The following OGG1 variants were observed in gnomAD, a reference collection of about 807,000 sequenced individuals.
The protein encoded by OGG1 is 8-oxoguanine DNA glycosylase.
OGG1 carries 35 observed loss-of-function variants against 42.3 expected under a neutral mutation model. The observed-to-expected ratio is 0.83, with a 90% confidence interval of 0.63 to 1.10. OGG1 has a LOEUF of 1.10. Ranked by LOEUF, OGG1 falls within the 50% of genes least tolerant of loss-of-function variation. OGG1 has a pLI of 0.00. For synonymous variants in OGG1, 189 were observed against 179.0 expected, an observed-to-expected ratio of 1.06 and a Z score of -0.44; for missense variants, 484 against 446.7, an observed-to-expected ratio of 1.08 and a Z score of -0.75.
At chr3:9,760,025 G>A (rs377254029), downstream of OGG1, 90 of 354,780 alleles carry the variant, frequency 2.5e-4, no homozygotes, top group East Asian at 4.6e-3. Flanking sequence ...GGTGGATCAC[G>A]AGGTCAGGAG....
chr3:9,765,888 C>T (rs1044606365), exon 8 of OGG1: 2 of 1,614,132 alleles, frequency 1.2e-6, no homozygotes, highest in Non-Finnish European at 1.7e-6. Flanking sequence ...CGAGAAGGCC[C>T]CCCTATCGGG....
intron 4 of OGG1, 125 bp downstream of exon 4, chr3:9,755,010 A>G (rs1420710064): frequency 1.3e-6 from 1 of 766,208 alleles, no homozygotes. Flanking sequence ...GAGAAAGGAT[A>G]TAAGTAGATG....
intron 7 of OGG1, among the ~76,000 whole-genome samples, chr3:9,763,893 G>A (rs1390906125): frequency 6.6e-6 from 1 of 152,188 alleles, no homozygotes; most frequent in Non-Finnish European, 1.5e-5. Context: ...GGCTGAGGCA[G>A]GAGAATTGCT....
intron 1 of OGG1, 193 bp downstream of exon 1, chr3:9,750,616 A>T: frequency 1.3e-6 from 1 of 794,352 alleles, no homozygotes. Context: ...ATCCAGCGGT[A>T]TAACCGATGC....
chr3:9,750,290 CCTGCCCGCGCGCTT>C lies in OGG1; in HGVS notation c.11_24del (p.Arg4GlnfsTer24). ...CGGGGCGGTGCCTGCTGTGGAAATG[CCTGCCCGCGCGCTT>C]CTGCCCAGGCGCATGGGGCATCGTA... On this transcript the variant is annotated frameshift_variant, in exon 1 of 7. Coordinates refer to ENST00000344629, the MANE Select transcript of OGG1 (RefSeq NM_002542.6). LOFTEE classifies it high-confidence loss of function. 1 of 1,610,150 alleles carries C rather than the reference CCTGCCCGCGCGCTT, an allele frequency of 6.2e-7. No homozygotes were observed. The highest frequency in any genetic ancestry group is 8.5e-7 in the Non-Finnish European group (1 of 1,177,732).
At chr3:9,789,037 T>C (rs1224386493), downstream of OGG1, among the ~76,000 whole-genome samples, 3 of 152,062 alleles carry the variant, frequency 2.0e-5, no homozygotes, top group Non-Finnish European at 4.4e-5. Context: ...GGTTTCACCA[T>C]GTTGCCCAGG....
chr3:9,785,660 CAAT>C (rs1410547869), intron 3 of OGG1, among the ~76,000 whole-genome samples: 3 of 152,210 alleles, frequency 2.0e-5, no homozygotes, highest in East Asian at 3.9e-4. Context: ...GATTAACACT[CAAT>C]GATGGTAATG....
At chr3:9,761,863 C>G, downstream of OGG1, 3 of 1,488,860 alleles carry the variant, frequency 2.0e-6, no homozygotes, top group South Asian at 1.4e-5. Flanking sequence ...TCCCCAAAAG[C>G]CACTGTGGCT....
chr3:9,761,190 TTGTC>T (rs1445016595), downstream of OGG1: 7 of 415,226 alleles, frequency 1.7e-5, no homozygotes, highest in Middle Eastern at 6.6e-4. Flanking sequence ...TACTTGTTGA[TTGTC>T]TGTCTTCCCT....
chr3:9,754,486 A>G (rs945836397), intron 3 of OGG1, among the ~76,000 whole-genome samples: 2 of 152,176 alleles, frequency 1.3e-5, no homozygotes, highest in Admixed American at 6.5e-5. Flanking sequence ...TCCGGGGCCA[A>G]TTCATAGCAG....
rs567521188 is a variant in OGG1 at position 9,784,890 on chromosome 3, AAG to A, written c.383-2836_383-2835del. ...AAAAAAAAAAAAAGAAAAAGAAAAAAAGAAATATATTTTAAGTAAAAATAGTA... is the reference window on the plus strand; with the variant it reads ...AAAAAAAAAAAAAGAAAAAGAAAAAAAAATATATTTTAAGTAAAAATAGTA... On this transcript the variant is annotated intron_variant, in intron 3 of 3. Transcript: ENST00000426518. Among the ~76,000 whole-genome samples, 385 of 152,150 alleles carry A rather than the reference AAG, an allele frequency of 2.5e-3. 3 individuals are homozygous for A. Among genetic ancestry groups the A allele is most frequent in the African/African-American group, 8.7e-3 (362 of 41,542 alleles).
intron 2 of OGG1, chr3:9,780,594 G>T: frequency 6.4e-7 from 1 of 1,554,316 alleles, no homozygotes; most frequent in South Asian, 1.2e-5. Context: ...CCCACCTCCA[G>T]AGAACAACCC....
At chr3:9,769,482 C>G (rs2078248203), downstream of OGG1, among the ~76,000 whole-genome samples, 1 of 152,130 alleles carries the variant, frequency 6.6e-6, no homozygotes, top group Admixed American at 6.5e-5. Flanking sequence ...ACACAGATTC[C>G]CAGATCCTCC....
chr3:9,784,923 C>G (rs1348050887), intron 3 of OGG1, among the ~76,000 whole-genome samples: 1 of 151,696 alleles, frequency 6.6e-6, no homozygotes, highest in Non-Finnish European at 1.5e-5. Context: ...TAGTATTATA[C>G]CATCCATACT....
downstream of OGG1, chr3:9,761,206 C>T: frequency 4.5e-6 from 2 of 440,718 alleles, no homozygotes; most frequent in Non-Finnish European, 8.1e-6. Flanking sequence ...GTCTTCCCTA[C>T]TAGAAAGAAA....
downstream of OGG1, chr3:9,789,498 A>T (rs1481977543): frequency 1.2e-6 from 2 of 1,612,006 alleles, no homozygotes; most frequent in Non-Finnish European, 1.7e-6. Flanking sequence ...ATCAAGGCCC[A>T]GAGTTTCTAC....
downstream of OGG1, chr3:9,761,460 C>G: frequency 1.2e-6 from 2 of 1,609,326 alleles, no homozygotes; most frequent in Non-Finnish European, 1.7e-6. Flanking sequence ...GCCCCACTTA[C>G]AAGATGTAGG....
chr3:9,776,641 G>A (rs543681935), intron 2 of OGG1, among the ~76,000 whole-genome samples: 19 of 152,094 alleles, frequency 1.2e-4, no homozygotes, highest in Non-Finnish European at 2.4e-4. Flanking sequence ...CGCCCGCCTC[G>A]GCCTCCCAAA....
At chr3:9,785,292 G>A in intron 3 of OGG1, 4 of 1,572,204 alleles carry the variant, frequency 2.5e-6, no homozygotes, top group Non-Finnish European at 3.5e-6. Context: ...CCAGACTGTG[G>A]GTTGTGGATA....
Sources: gnomAD v4.1 joint callset for allele counts (sites outside exome capture counted in the v4.1 genomes callset) on GRCh38, gnomAD v4.1.1 for gene constraint, MANE v1.5 for transcripts, NCBI Gene and HGNC (gene_info 2026-07-23, HGNC 2026-07-21) for gene names.